Variants in LPP observed in about 807,000 individuals in gnomAD.
The protein encoded by LPP is lipoma-preferred partner.
In LPP, 38 loss-of-function variants were observed where a neutral mutation model predicts 60.4. The ratio of observed to expected loss-of-function variants is 0.63; its 90% CI spans 0.49 to 0.83. The LOEUF (loss-of-function observed/expected upper bound fraction) is 0.83, where lower values mean the gene tolerates loss of function less well. LPP is among the 40% of genes least tolerant of loss of function. LPP has a pLI of 0.00. For synonymous variants in LPP, 328 were observed against 290.8 expected (o/e 1.13, Z -1.30); for missense variants, 902 against 783.6 (o/e 1.15, Z -1.80).
intron 5 of LPP, among the ~76,000 whole-genome samples, chr3:188,501,485 C>T (rs909632726): frequency 1.1e-4 from 17 of 149,950 alleles, no homozygotes; most frequent in African/African-American, 4.2e-4. Flanking sequence ...CGTGGTGGCT[C>T]ACGCCTGTAA....
At chr3:188,324,419 C>G (rs1757810045) in intron 2 of LPP, among the ~76,000 whole-genome samples, 1 of 152,164 alleles carries the variant, frequency 6.6e-6, no homozygotes, top group Non-Finnish European at 1.5e-5. Context: ...GTGTCATTCA[C>G]AGAGCAGCAG....
chr3:188,860,475 T>A (rs1444592607), intron 9 of LPP, among the ~76,000 whole-genome samples: 2 of 152,014 alleles, frequency 1.3e-5, no homozygotes, highest in Non-Finnish European at 2.9e-5. Context: ...GTGGATGAGA[T>A]CTCTCCTGTC....
At chr3:188,159,730 C>A (rs1250083791) in intron 1 of LPP, among the ~76,000 whole-genome samples, 1 of 152,198 alleles carries the variant, frequency 6.6e-6, no homozygotes, top group Non-Finnish European at 1.5e-5. Context: ...TGGCATTGGG[C>A]AGTCCTGCCA....
chr3:188,670,663 T>G (rs945070857), intron 7 of LPP, among the ~76,000 whole-genome samples: 2 of 152,206 alleles, frequency 1.3e-5, no homozygotes, highest in Non-Finnish European at 2.9e-5. Context: ...TTCCACTGTA[T>G]AATTTTGCCG....
intron 1 of LPP, among the ~76,000 whole-genome samples, chr3:188,197,671 C>T (rs1729922598): frequency 6.6e-6 from 1 of 152,086 alleles, no homozygotes; most frequent in African/African-American, 2.4e-5. Flanking sequence ...TCATGCTATG[C>T]CTGGGGTGAG....
chr3:188,617,972 G>A (rs1405242571), intron 7 of LPP, among the ~76,000 whole-genome samples: 1 of 152,166 alleles, frequency 6.6e-6, no homozygotes, highest in East Asian at 1.9e-4. Flanking sequence ...TTCAACAAGA[G>A]ACTATGGTTA....
chr3:188,249,431 T>C (rs527868550), intron 2 of LPP, among the ~76,000 whole-genome samples: 1 of 146,944 alleles, frequency 6.8e-6, no homozygotes, highest in African/African-American at 2.5e-5. Context: ...AGCAAGAGTG[T>C]CTCGAAGGAA....
intron 1 of LPP, among the ~76,000 whole-genome samples, chr3:188,177,465 C>G (rs1241845786): frequency 6.6e-6 from 1 of 152,126 alleles, no homozygotes; most frequent in Non-Finnish European, 1.5e-5. Flanking sequence ...AGGATTGATC[C>G]TGCCACCTTG....
chr3:188,774,740 G>T (rs1298604694), intron 9 of LPP, among the ~76,000 whole-genome samples: 1 of 152,206 alleles, frequency 6.6e-6, no homozygotes, highest in Middle Eastern at 3.4e-3. Flanking sequence ...CTCTCACTGT[G>T]TCCTTACATG....
chr3:188,383,000 T>A (rs986712168), intron 3 of LPP, among the ~76,000 whole-genome samples: 1 of 152,170 alleles, frequency 6.6e-6, no homozygotes, highest in Non-Finnish European at 1.5e-5. Context: ...CATAGAAAAG[T>A]AAGGCCGAGA....
At chr3:188,502,785 A>T (rs1812287522) in intron 5 of LPP, among the ~76,000 whole-genome samples, 1 of 152,120 alleles carries the variant, frequency 6.6e-6, no homozygotes, top group African/African-American at 2.4e-5. Flanking sequence ...CATACTCAGA[A>T]CACTTGCATT....
intron 1 of LPP, among the ~76,000 whole-genome samples, chr3:188,205,400 G>C (rs1208117830): frequency 6.7e-6 from 1 of 148,152 alleles, no homozygotes; most frequent in Non-Finnish European, 1.5e-5. Flanking sequence ...TCCTGCTTCA[G>C]CCTCCCAAGT....
rs181194057 is a variant in LPP, at chr3:188,856,095, A to G, written c.1411-10105A>G. Among the ~76,000 whole-genome samples, 27 of 152,272 alleles carry G rather than the reference A, an allele frequency of 1.8e-4. No individual in the cohort carries two copies. The East Asian group carries it at 5.2e-3, about 29-fold the overall frequency. On this transcript the variant is annotated intron_variant, in intron 9 of 11. Coordinates refer to ENST00000617246, the MANE Select transcript of LPP (RefSeq NM_001375462.1). ...GCGTGGGTACCAGGGGCTTTGTTGG[A>G]CCTTGATTACGGTTAAGTCAAGAAA...
chr3:188,879,761 A>G lies in LPP; in HGVS notation c.*5282A>G, dbSNP rs1346456771. On this transcript the variant is annotated 3_prime_UTR_variant, in exon 12 of 12. Coordinates refer to ENST00000617246, the MANE Select transcript of LPP (RefSeq NM_001375462.1). ...ATAACTATTGTATTTTCAGAATTTT[A>G]ACACAGATTAACACTTAGCCTGTAA... 5.5e-6 allele frequency: 1 copy of G among 181,774 alleles called. No individual in the cohort carries two copies. The highest frequency in any genetic ancestry group is 2.3e-5 in the African/African-American group (1 of 42,572). The allele number at this position is 181,774 out of a possible 1,614,324, so 11.3% of individuals were successfully genotyped here. A position where few individuals can be genotyped will look rare whatever the true frequency, so the allele number is the denominator to read the frequency against.
At chr3:188,556,708 C>T (rs928090939) in intron 6 of LPP, among the ~76,000 whole-genome samples, 1 of 151,760 alleles carries the variant, frequency 6.6e-6, no homozygotes, top group African/African-American at 2.4e-5. Flanking sequence ...GAATGCTCTG[C>T]GAAACCATAG....
chr3:188,308,890 TCTCCTA>T (rs1355892849), intron 2 of LPP, among the ~76,000 whole-genome samples: 1 of 151,946 alleles, frequency 6.6e-6, no homozygotes, highest in Non-Finnish European at 1.5e-5. Context: ...TCGTTCTCCT[TCTCCTA>T]CTCCTTCTCC....
At position 188,355,319 on chromosome 3, in the gene LPP, C is replaced by CATTTT. The variant is rs1767283693; in HGVS notation, c.-10+13603_-10+13607dup. Among the ~76,000 whole-genome samples, 5 of 152,216 alleles carry CATTTT rather than the reference C, an allele frequency of 3.3e-5. No individual in the cohort carries two copies. In the South Asian group the frequency reaches 1.0e-3, roughly 32 times the overall value. On this transcript the variant is annotated intron_variant, in intron 3 of 11. Coordinates refer to ENST00000617246, the MANE Select transcript of LPP (RefSeq NM_001375462.1). ...ACCGCGCCTGGCTAGAAAGAAGAGACATTTTATGTATGATCGTCATAATGA... is the reference window on the plus strand; with the variant it reads ...ACCGCGCCTGGCTAGAAAGAAGAGACATTTTATTTTATGTATGATCGTCATAATGA...
At chr3:188,495,082 ATTT>A (rs373434961) in intron 5 of LPP, among the ~76,000 whole-genome samples, 29 of 97,122 alleles carry the variant, frequency 3.0e-4, no homozygotes, top group African/African-American at 6.4e-4. Context: ...ATATATATAT[ATTT>A]TATTTATATT....
At chr3:188,382,997 A>G (rs1777299061) in intron 3 of LPP, among the ~76,000 whole-genome samples, 1 of 152,176 alleles carries the variant, frequency 6.6e-6, no homozygotes, top group South Asian at 2.1e-4. Context: ...CCTCATAGAA[A>G]AGTAAGGCCG....
Sources: allele counts gnomAD v4.1 joint callset (sites outside exome capture counted in the v4.1 genomes callset), GRCh38; gene constraint gnomAD v4.1.1; transcripts MANE v1.5; gene names NCBI Gene and HGNC (gene_info 2026-07-23, HGNC 2026-07-21).